PDE6A: variants seen among roughly 807,000 people sequenced by gnomAD.
PDE6A encodes phosphodiesterase 6A.
PDE6A carries 84 observed loss-of-function variants against 106.3 expected under a neutral mutation model. The observed-to-expected ratio is 0.79, with a 90% CI of 0.66 to 0.95. The LOEUF (loss-of-function observed/expected upper bound fraction) is 0.95. PDE6A is among the 40% of genes least tolerant of loss of function. The pLI, the probability that PDE6A is intolerant of heterozygous loss-of-function variation, is 0.00. For missense variants in PDE6A, 1,052 were observed against 1,084.9 expected (o/e 0.97, Z 0.43); for synonymous variants, 394 against 386.6 (o/e 1.02, Z -0.23).
chr5:149,902,447 G>A (rs925524811), intron 8 of PDE6A, among the ~76,000 whole-genome samples: 2 of 151,054 alleles, frequency 1.3e-5, no homozygotes, highest in African/African-American at 4.9e-5. Context: ...CACCACTGTA[G>A]CAAGTGTTAA....
chr5:149,910,581 T>A (rs898857080), intron 6 of PDE6A, among the ~76,000 whole-genome samples: 1 of 152,206 alleles, frequency 6.6e-6, no homozygotes, highest in Admixed American at 6.5e-5. Context: ...TAGCATAATC[T>A]CTCTTTAAAA....
chr5:149,890,410 G>A (rs1172866571), intron 13 of PDE6A, among the ~76,000 whole-genome samples: 1 of 152,078 alleles, frequency 6.6e-6, no homozygotes, highest in Non-Finnish European at 1.5e-5. Flanking sequence ...TAAATTATAT[G>A]GGAAGCATTG....
chr5:149,938,929 T>G (rs1040897526), intron 1 of PDE6A, among the ~76,000 whole-genome samples: 3 of 152,144 alleles, frequency 2.0e-5, no homozygotes, highest in African/African-American at 7.2e-5. Flanking sequence ...CTCAGGTTTT[T>G]GGAGGGTGCT....
chr5:149,863,417 G>T lies in PDE6A; in HGVS notation c.2359-151C>A. 1.3e-6 allele frequency: 1 copy of T among 766,302 alleles called. No individual in the cohort carries two copies. Among genetic ancestry groups the T allele is most frequent in the Non-Finnish European group, 2.2e-6 (1 of 448,032 alleles). The allele number at this position is 766,302 out of a possible 1,614,324, so 47.5% of individuals were successfully genotyped here. On this transcript the variant is annotated intron_variant, in intron 20 of 21. Transcript: ENST00000255266. This position sits in a 1 kb window ranked among gnomAD's most constrained non-coding sequence, Gnocchi z 4.7. ...CCGTGCTGATACTGCAGGGCCTCCGGTCTACACCAGCCCATGCCTCACCTG... is the reference window on the plus strand; with the variant it reads ...CCGTGCTGATACTGCAGGGCCTCCGTTCTACACCAGCCCATGCCTCACCTG...
At chr5:149,904,252 A>G (rs1027060261) in intron 7 of PDE6A, among the ~76,000 whole-genome samples, 10 of 152,336 alleles carry the variant, frequency 6.6e-5, no homozygotes, top group African/African-American at 2.4e-4. Flanking sequence ...GTCTCAAAAT[A>G]AAATAAAAAA....
rs750291729 is a variant in PDE6A at position 149,860,741 on chromosome 5, G to A, written c.*154C>T. The A allele has an allele frequency of 9.5e-5, 57 of 598,184 alleles. No individual in the cohort carries two copies. The highest frequency in any genetic ancestry group is 1.6e-4 in the Non-Finnish European group (54 of 339,266). The allele number at this position is 598,184 out of a possible 1,614,324, so 37.1% of individuals were successfully genotyped here. ...AATTCTTCCAATGTGGCCCAGGGAA[G>A]CCAAAAGATTGAACAGTCCTGGAAG... On this transcript the variant is annotated 3_prime_UTR_variant, in exon 22 of 22. Coordinates refer to ENST00000255266, the MANE Select transcript of PDE6A (RefSeq NM_000440.3).
intron 1 of PDE6A, among the ~76,000 whole-genome samples, chr5:149,935,361 C>A (rs73269784): frequency 2.3e-4 from 35 of 152,010 alleles, no homozygotes; most frequent in East Asian, 1.9e-4. Flanking sequence ...GGGTCTAGGT[C>A]ATTGAACAAA....
chr5:149,895,189 C>T lies in PDE6A; in HGVS notation c.1722G>A (p.Leu574=). 6.2e-7 allele frequency: 1 copy of T among 1,611,798 alleles called. No individual in the cohort carries two copies. The highest frequency in any genetic ancestry group is 8.5e-7 in the Non-Finnish European group (1 of 1,177,854). ...GFNVGQTMFS[L]LVTGKLKRYF... ...CCCACCGGCCCCGCCATACCACCAGCAGGGAGAACATGGTCTGCCCCACGT... is the reference window on the plus strand; with the variant it reads ...CCCACCGGCCCCGCCATACCACCAGTAGGGAGAACATGGTCTGCCCCACGT... The change falls in exon 13 of 22, where the codon CTG becomes CTA. Residue 574 remains leucine, a synonymous_variant. Coordinates refer to ENST00000255266, the MANE Select transcript of PDE6A (RefSeq NM_000440.3).
chr5:149,860,455 G>A lies in PDE6A; in HGVS notation c.*440C>T, dbSNP rs1470652309. 6.5e-6 allele frequency: 1 copy of A among 154,542 alleles called. No homozygotes were observed. Among genetic ancestry groups the A allele is most frequent in the Non-Finnish European group, 1.4e-5 (1 of 69,720 alleles). The allele number at this position is 154,542 out of a possible 1,614,324, so 9.6% of individuals were successfully genotyped here. A position where few individuals can be genotyped will look rare whatever the true frequency, so the allele number is the denominator to read the frequency against. On this transcript the variant is annotated 3_prime_UTR_variant, in exon 22 of 22. Transcript: ENST00000255266. ...AATTAAATGTTTAACTGATGTCTAT[G>A]AAAGCTAGAATATTGGTTTTAGCTC...
At chr5:149,871,467 C>T (rs971386126) in intron 17 of PDE6A, among the ~76,000 whole-genome samples, 44 of 151,808 alleles carry the variant, frequency 2.9e-4, no homozygotes, top group African/African-American at 8.7e-4. Flanking sequence ...GCCTCTGGAG[C>T]TGATAACTGT....
At chr5:149,928,209 C>CTATATATA (rs1213238607) in intron 4 of PDE6A, among the ~76,000 whole-genome samples, 646 of 43,964 alleles carry the variant, frequency 0.015, 16 homozygotes, top group Non-Finnish European at 0.017. Context: ...ATTGTATGTG[C>CTATATATA]TATATATATA....
intron 17 of PDE6A, among the ~76,000 whole-genome samples, chr5:149,876,362 T>C (rs976267822): frequency 4.7e-5 from 7 of 149,826 alleles, no homozygotes; most frequent in African/African-American, 1.7e-4. Flanking sequence ...TTTTTTTTTT[T>C]TTTTTTTTTA....
chr5:149,871,487 A>G (rs549906769), intron 17 of PDE6A, among the ~76,000 whole-genome samples: 117 of 152,102 alleles, frequency 7.7e-4, no homozygotes, highest in Non-Finnish European at 1.4e-3. Context: ...TAGGATGTGT[A>G]ACCATTTACT....
At chr5:149,934,040 G>T (rs576022705) in intron 2 of PDE6A, 21 bp from the exon 3 acceptor site, 12 of 1,357,474 alleles carry the variant, frequency 8.8e-6, no homozygotes, top group African/African-American at 7.2e-5. Context: ...AACAGCATGA[G>T]GGGAGGCAGG....
At chr5:149,876,890 AGAT>A (rs796362649) in intron 17 of PDE6A, among the ~76,000 whole-genome samples, 2 of 98,156 alleles carry the variant, frequency 2.0e-5, no homozygotes, top group South Asian at 3.8e-4. Context: ...CTAGACAGAC[AGAT>A]GATGATAGAT....
At chr5:149,888,496 T>C (rs1232575885) in intron 13 of PDE6A, among the ~76,000 whole-genome samples, 2 of 148,086 alleles carry the variant, frequency 1.4e-5, no homozygotes, top group Admixed American at 1.4e-4. Flanking sequence ...TATAATATAT[T>C]AATAACTAAT....
chr5:149,922,103 A>G (rs1011126051), intron 4 of PDE6A, among the ~76,000 whole-genome samples: 6 of 152,152 alleles, frequency 3.9e-5, no homozygotes, highest in African/African-American at 1.2e-4. Context: ...TAGAGACAAT[A>G]TAAGTGCCCA....
intron 19 of PDE6A, chr5:149,866,831 C>G (rs1361950628): frequency 6.5e-6 from 1 of 153,708 alleles, no homozygotes; most frequent in East Asian, 1.9e-4. Flanking sequence ...CAACCAAAAG[C>G]AAAAAAATGC....
chr5:149,921,771 A>G (rs1753729105), intron 4 of PDE6A, 62 bp from the exon 5 acceptor site: 11 of 1,284,444 alleles, frequency 8.6e-6, no homozygotes, highest in Admixed American at 3.5e-5. Flanking sequence ...GGAGATTAAG[A>G]TGTCCCACCT....
Sources: allele counts gnomAD v4.1 joint callset (sites outside exome capture counted in the v4.1 genomes callset), GRCh38; gene constraint gnomAD v4.1.1; non-coding constraint Gnocchi (gnomAD v3.1); transcripts MANE v1.5; gene names NCBI Gene and HGNC (gene_info 2026-07-23, HGNC 2026-07-21).